Variants in AP3B2 observed in about 807,000 individuals in gnomAD.
The protein encoded by AP3B2 is adaptor related protein complex 3 subunit beta 2, also known as AP-3 complex subunit beta-2.
AP3B2 carries 50 observed loss-of-function variants against 126.9 expected under a neutral mutation model. The ratio of observed to expected loss-of-function variants is 0.39; its 90% confidence interval spans 0.31 to 0.50. AP3B2 has a LOEUF of 0.50. Ranked by LOEUF, AP3B2 falls within the 20% of genes least tolerant of loss-of-function variation. The probability of loss-of-function intolerance (pLI) is 0.79; values close to 1 mark genes in which losing one functional copy is unlikely to be tolerated. For missense variants in AP3B2, 1,177 were observed against 1,426.4 expected, an observed-to-expected ratio of 0.83 and a Z score of 2.82; for synonymous variants, 541 against 565.0, an observed-to-expected ratio of 0.96 and a Z score of 0.60.
At chr15:82,700,108 G>C (rs2048695510) in intron 1 of AP3B2, among the ~76,000 whole-genome samples, 2 of 152,136 alleles carry the variant, frequency 1.3e-5, no homozygotes, top group Admixed American at 1.3e-4. Context: ...GGAGTTGATA[G>C]AGAGGTGAGA....
intron 14 of AP3B2, among the ~76,000 whole-genome samples, chr15:82,672,177 C>T (rs995591750): frequency 5.9e-5 from 9 of 152,290 alleles, no homozygotes; most frequent in African/African-American, 1.9e-4. Context: ...CAGCACTGTT[C>T]ACCATAGCCA....
rs752008264 is a variant in AP3B2 at position 82,691,752 on chromosome 15, G to C, written c.114-2299C>G. On this transcript the variant is annotated intron_variant, in intron 1 of 26. Transcript: ENST00000535359. The stretch of plus-strand genomic sequence containing the variant: ...TAGGGCCTGAAAGGAGAGAAGTGGT[G>C]TGGGGAACCCCGGCTTTAGTATGGA... The C allele has an allele frequency of 3.1e-5, 49 of 1,584,004 alleles. No homozygotes were observed. The Admixed American group carries it at 4.6e-4, about 15-fold the overall frequency.
At chr15:82,700,538 A>T (rs2048704866) in intron 1 of AP3B2, among the ~76,000 whole-genome samples, 1 of 151,002 alleles carries the variant, frequency 6.6e-6, no homozygotes, top group Admixed American at 6.6e-5. Context: ...AGCTGGGATT[A>T]CAGGCATACA....
chr15:82,706,231 A>G (rs2048793725), intron 1 of AP3B2, among the ~76,000 whole-genome samples: 1 of 152,150 alleles, frequency 6.6e-6, no homozygotes, highest in Non-Finnish European at 1.5e-5. Context: ...CCTGACGCAT[A>G]TACTTTCTGC....
Position 82,664,307 on chromosome 15 carries a change from G to T in AP3B2, c.2261+60C>A, listed in dbSNP as rs1404401240. The T allele has an allele frequency of 6.2e-7, 1 of 1,610,258 alleles. No homozygotes were observed. Among genetic ancestry groups the T allele is most frequent in the Admixed American group, 1.7e-5 (1 of 59,994 alleles). On this transcript the variant is annotated intron_variant, in intron 19 of 26. Coordinates refer to ENST00000535359, the MANE Select transcript of AP3B2 (RefSeq NM_001278512.2). This position sits in a 1 kb window ranked among gnomAD's most constrained non-coding sequence, Gnocchi z 4.5. ...GGAGACTGGCTAAAGCTCAATGCTAGCCCTCTTTCCAGGAAAGCCCCCTGA... is the reference window on the plus strand; with the variant it reads ...GGAGACTGGCTAAAGCTCAATGCTATCCCTCTTTCCAGGAAAGCCCCCTGA...
At position 82,659,386 on chromosome 15, in the gene AP3B2, C is replaced by A. The variant is rs1482799921; in HGVS notation, c.*174G>T. 1 of 729,076 alleles carries A rather than the reference C, an allele frequency of 1.4e-6. No individual in the cohort carries two copies. The highest frequency in any genetic ancestry group is 2.7e-5 in the Admixed American group (1 of 36,426). 45.2% of individuals were successfully genotyped at this position (729,076 alleles called of 1,614,324 possible). On this transcript the variant is annotated 3_prime_UTR_variant, in exon 27 of 27. Transcript: ENST00000535359. Reference sequence around the variant, plus strand: ...CTCTCTGCACAGATCACTAAGGAATCCATGGGGAGGGCATTAGGGGAGGGC... The same window carrying A: ...CTCTCTGCACAGATCACTAAGGAATACATGGGGAGGGCATTAGGGGAGGGC...
At chr15:82,688,696 A>ACGAGGC in intron 4 of AP3B2, 40 bp downstream of exon 4, 2 of 1,551,646 alleles carry the variant, frequency 1.3e-6, no homozygotes, top group Non-Finnish European at 1.8e-6. Context: ...TACAGCGCCA[A>ACGAGGC]CGAGGCCCAG....
intron 4 of AP3B2, among the ~76,000 whole-genome samples, chr15:82,683,061 T>TG (rs1555467277): frequency 1.5e-5 from 2 of 136,818 alleles, no homozygotes; most frequent in Non-Finnish European, 3.2e-5. Flanking sequence ...TTTTTTTTTT[T>TG]TTTTTTTTTT....
chr15:82,688,471 T>C (rs2048469317), intron 4 of AP3B2: 1 of 702,240 alleles, frequency 1.4e-6, no homozygotes, highest in East Asian at 2.7e-5. Context: ...AAGTGGTTCA[T>C]ACTAGAAGCA....
At chr15:82,666,104 C>T (rs72753908) in intron 15 of AP3B2, among the ~76,000 whole-genome samples, 6,479 of 152,296 alleles carry the variant, frequency 0.043, 197 homozygotes, top group Non-Finnish European at 0.07. Flanking sequence ...AGAAAAAGAA[C>T]GAAAAGATAC....
intron 25 of AP3B2, among the ~76,000 whole-genome samples, chr15:82,660,615 C>T (rs1184313993): frequency 6.6e-6 from 1 of 152,198 alleles, no homozygotes; most frequent in East Asian, 1.9e-4. Context: ...GGGAGCTCCT[C>T]CGTCTGCTCT....
At chr15:82,670,800 G>C (rs556495447) in intron 14 of AP3B2, among the ~76,000 whole-genome samples, 1 of 152,104 alleles carries the variant, frequency 6.6e-6, no homozygotes, top group South Asian at 2.1e-4. Context: ...CTACCCATCT[G>C]ACAAGGGATT....
intron 1 of AP3B2, chr15:82,689,716 T>C (rs1773931738): frequency 6.2e-6 from 3 of 483,626 alleles, no homozygotes; most frequent in South Asian, 5.0e-5. Context: ...GTAACCTTAT[T>C]TGGAAATAGA....
chr15:82,709,472 C>T (rs1368843574), intron 1 of AP3B2, 122 bp downstream of exon 1: 7 of 553,142 alleles, frequency 1.3e-5, no homozygotes, highest in Non-Finnish European at 1.6e-5. Context: ...GCCGGGCGGG[C>T]TTCCGGTCGG....
intron 4 of AP3B2, chr15:82,685,919 T>C (rs573136328): frequency 2.0e-5 from 3 of 152,312 alleles, no homozygotes; most frequent in Non-Finnish European, 4.4e-5. Flanking sequence ...TTTATTGCTA[T>C]TGAATAAGAT....
intron 25 of AP3B2, among the ~76,000 whole-genome samples, chr15:82,661,073 C>G (rs1306813120): frequency 6.6e-6 from 1 of 152,148 alleles, no homozygotes; most frequent in Non-Finnish European, 1.5e-5. Flanking sequence ...TCTCCTCCCA[C>G]CTCTCCCTGT....
At chr15:82,672,746 C>T (rs1300296150) in intron 14 of AP3B2, among the ~76,000 whole-genome samples, 1 of 152,028 alleles carries the variant, frequency 6.6e-6, no homozygotes, top group Non-Finnish European at 1.5e-5. Flanking sequence ...TACTATGTAC[C>T]CATAAAAATT....
chr15:82,676,608 C>T lies in AP3B2; in HGVS notation c.1518G>A (p.Trp506Ter). 6.2e-7 allele frequency: 1 copy of T among 1,613,946 alleles called. No individual in the cohort carries two copies. The highest frequency in any genetic ancestry group is 8.5e-7 in the Non-Finnish European group (1 of 1,179,872). The change falls in exon 14 of 27, where the codon TGG (tryptophan) becomes TGA (stop). Residue 506 changes from tryptophan (W) to a stop codon, truncating the protein, a stop_gained. Coordinates refer to ENST00000535359, the MANE Select transcript of AP3B2 (RefSeq NM_001278512.2). LOFTEE classifies it high-confidence loss of function. ...CATGCTCACAGTACTCTCCGATGAG[C>T]CACAGGATGCTGGCTCGGGCCATGG... Reference protein sequence around the residue: ...QVPMARASILWLIGEYCEHVP... With the variant: ...QVPMARASIL
chr15:82,678,035 TTACCCACCAGGGCACAAGGATCTGA>T, intron 11 of AP3B2, 45 bp downstream of exon 11: 1 of 1,550,568 alleles, frequency 6.4e-7, no homozygotes, highest in Non-Finnish European at 8.9e-7. Flanking sequence ...AAGAGGAGGT[TTACCCACCAGGGCACAAGGATCTGA>T]TGGGCCCCTC....
Sources: allele counts gnomAD v4.1 joint callset (sites outside exome capture counted in the v4.1 genomes callset), GRCh38; gene constraint gnomAD v4.1.1; non-coding constraint Gnocchi (gnomAD v3.1); transcripts MANE v1.5; gene names NCBI Gene and HGNC (gene_info 2026-07-23, HGNC 2026-07-21).